Variants in SNX13 observed in about 807,000 individuals in gnomAD.
SNX13 encodes sorting nexin-13.
SNX13 carries 45 observed loss-of-function variants against 133.6 expected under a neutral mutation model. The ratio of observed to expected loss-of-function variants is 0.34; its 90% CI spans 0.27 to 0.43. SNX13 has a LOEUF of 0.43. SNX13 is among the 20% of genes least tolerant of loss of function. The probability of loss-of-function intolerance (pLI) is 1.00; values close to 1 mark genes in which losing one functional copy is unlikely to be tolerated. For missense variants in SNX13, 1,032 were observed against 1,145.1 expected, an observed-to-expected ratio of 0.90 and a Z score of 1.43; for synonymous variants, 414 against 373.9, an observed-to-expected ratio of 1.11 and a Z score of -1.24.
intron 25 of SNX13, chr7:17,796,135 T>A (rs903859199): frequency 5.9e-5 from 9 of 151,618 alleles, no homozygotes; most frequent in African/African-American, 2.2e-4. Flanking sequence ...CATCACCACC[T>A]CCCAGCCGCA....
At chr7:17,871,800 T>C (rs1037947876) in intron 8 of SNX13, among the ~76,000 whole-genome samples, 15 of 152,204 alleles carry the variant, frequency 9.9e-5, no homozygotes, top group Non-Finnish European at 1.6e-4. Context: ...ATAAGGTCTG[T>C]TTTTTACTAC....
At chr7:17,907,011 T>G (rs1315792750) in intron 1 of SNX13, among the ~76,000 whole-genome samples, 1 of 152,192 alleles carries the variant, frequency 6.6e-6, no homozygotes, top group Non-Finnish European at 1.5e-5. Flanking sequence ...TTCATGTTGG[T>G]TATGTTCTTG....
At chr7:17,911,286 A>C (rs1312913780) in intron 1 of SNX13, among the ~76,000 whole-genome samples, 3 of 152,192 alleles carry the variant, frequency 2.0e-5, no homozygotes. Context: ...CTGAAAAACA[A>C]AGTGTGAAGT....
chr7:17,871,002 T>C (rs1794035250), intron 8 of SNX13, among the ~76,000 whole-genome samples: 1 of 145,102 alleles, frequency 6.9e-6, no homozygotes, highest in Non-Finnish European at 1.5e-5. Context: ...TCGGGTTTTC[T>C]TTTTTTTTTT....
chr7:17,919,712 G>A (rs553907955), intron 1 of SNX13, among the ~76,000 whole-genome samples: 1 of 152,326 alleles, frequency 6.6e-6, no homozygotes, highest in African/African-American at 2.4e-5. Flanking sequence ...CAACTCAGGA[G>A]GAGGAAAGCG....
At chr7:17,925,788 AAG>A (rs1003107240) in intron 1 of SNX13, among the ~76,000 whole-genome samples, 1 of 152,124 alleles carries the variant, frequency 6.6e-6, no homozygotes, top group Non-Finnish European at 1.5e-5. Flanking sequence ...AAGGGGAAAA[AAG>A]AGGAGGAGAA....
chr7:17,814,367 A>G (rs1786409551), intron 20 of SNX13, among the ~76,000 whole-genome samples: 1 of 152,138 alleles, frequency 6.6e-6, no homozygotes, highest in African/African-American at 2.4e-5. Flanking sequence ...GCACTTATTT[A>G]CTGTCTTACC....
chr7:17,792,053 T>C lies in SNX13; in HGVS notation c.*1992A>G, dbSNP rs1453052128. The C allele has an allele frequency of 6.6e-6, 1 of 152,110 alleles. No homozygotes were observed. Among genetic ancestry groups the C allele is most frequent in the Non-Finnish European group, 1.5e-5 (1 of 67,984 alleles). The allele number at this position is 152,110 out of a possible 1,614,324, so 9.4% of individuals were successfully genotyped here. A position where few individuals can be genotyped will look rare whatever the true frequency, so the allele number is the denominator to read the frequency against. On this transcript the variant is annotated 3_prime_UTR_variant, in exon 26 of 26. Coordinates refer to ENST00000428135, the MANE Select transcript of SNX13 (RefSeq NM_015132.5). ...TATTTCCCTAATTGATGGCCAGTGCTCCTCACATTATATAGAAATGCTTTT... is the reference window on the plus strand; with the variant it reads ...TATTTCCCTAATTGATGGCCAGTGCCCCTCACATTATATAGAAATGCTTTT...
intron 8 of SNX13, among the ~76,000 whole-genome samples, chr7:17,870,510 A>G (rs1418077601): frequency 2.6e-5 from 4 of 152,180 alleles, no homozygotes; most frequent in Non-Finnish European, 4.4e-5. Flanking sequence ...AGAGAAATTT[A>G]TTTTAAAAAA....
At chr7:17,877,988 T>G (rs1794918841) in intron 5 of SNX13, among the ~76,000 whole-genome samples, 1 of 152,068 alleles carries the variant, frequency 6.6e-6, no homozygotes, top group African/African-American at 2.4e-5. Flanking sequence ...CTAATAATGT[T>G]TGTCTTAACA....
At position 17,891,537 on chromosome 7, in the gene SNX13, G is replaced by A. The variant is rs1796628011; in HGVS notation, c.318+9C>T. The A allele has an allele frequency of 6.2e-7, 1 of 1,603,396 alleles. No individual in the cohort carries two copies. Among genetic ancestry groups the A allele is most frequent in the South Asian group, 1.1e-5 (1 of 90,672 alleles). ...ATATAGAATTCAAATACCACACGCT[G>A]AAACTCACTTGCTGGAGAGGTTCAT... On this transcript the variant is annotated intron_variant, in intron 4 of 25. Coordinates refer to ENST00000428135, the MANE Select transcript of SNX13 (RefSeq NM_015132.5).
At chr7:17,906,638 T>C (rs997398909) in intron 1 of SNX13, among the ~76,000 whole-genome samples, 1 of 152,118 alleles carries the variant, frequency 6.6e-6, no homozygotes, top group African/African-American at 2.4e-5. Flanking sequence ...ATGATCAAAT[T>C]ATAATATCTT....
chr7:17,825,892 G>A (rs1326503619), intron 17 of SNX13, 130 bp downstream of exon 17: 3 of 568,820 alleles, frequency 5.3e-6, no homozygotes, highest in African/African-American at 3.8e-5. Flanking sequence ...AGGACATGCT[G>A]CAGAAAAAAA....
chr7:17,895,084 CAAAAT>C (rs939538890), intron 2 of SNX13, among the ~76,000 whole-genome samples: 3 of 152,076 alleles, frequency 2.0e-5, no homozygotes, highest in African/African-American at 7.2e-5. Flanking sequence ...TATTTATAGA[CAAAAT>C]AAAATGTTTA....
Position 17,856,243 on chromosome 7 carries a change from C to T in SNX13, c.838-5279G>A, listed in dbSNP as rs540830318. ...TTTGCAATCAAAGTTAATTTGTCAT[C>T]AGTTCAAAATAACTTGTTATAAATT... On this transcript the variant is annotated intron_variant, in intron 9 of 25. Coordinates refer to ENST00000428135, the MANE Select transcript of SNX13 (RefSeq NM_015132.5). Among the ~76,000 whole-genome samples, 3 of 152,312 alleles carry T rather than the reference C, an allele frequency of 2.0e-5. No homozygotes were observed. In the East Asian group the frequency reaches 5.8e-4, roughly 29 times the overall value.
At chr7:17,838,256 A>C (rs1038871889) in intron 13 of SNX13, among the ~76,000 whole-genome samples, 1 of 151,770 alleles carries the variant, frequency 6.6e-6, no homozygotes, top group Non-Finnish European at 1.5e-5. Context: ...TAAGTTGTTT[A>C]ATTTGTTGTC....
intron 20 of SNX13, among the ~76,000 whole-genome samples, chr7:17,806,770 T>C (rs951445368): frequency 1.3e-5 from 2 of 152,240 alleles, no homozygotes; most frequent in African/African-American, 4.8e-5. Context: ...CTCATCTCAC[T>C]GGGACTAGTT....
At chr7:17,928,014 A>G (rs932261224) in intron 1 of SNX13, among the ~76,000 whole-genome samples, 1 of 152,212 alleles carries the variant, frequency 6.6e-6, no homozygotes, top group Non-Finnish European at 1.5e-5. Flanking sequence ...CTACAATACA[A>G]TAAAAGTCCT....
At chr7:17,822,165 C>T (rs1015052456) in intron 17 of SNX13, among the ~76,000 whole-genome samples, 4 of 151,842 alleles carry the variant, frequency 2.6e-5, no homozygotes, top group Admixed American at 6.6e-5. Flanking sequence ...TTCTTTGATA[C>T]GTTCAGTAGT....
Sources: allele counts gnomAD v4.1 joint callset (sites outside exome capture counted in the v4.1 genomes callset), GRCh38; gene constraint gnomAD v4.1.1; transcripts MANE v1.5; gene names NCBI Gene and HGNC (gene_info 2026-07-23, HGNC 2026-07-21).